The following MPHOSPH9 variants were observed in gnomAD, a reference collection of about 807,000 sequenced individuals.
MPHOSPH9 encodes the protein M-phase phosphoprotein 9.
MPHOSPH9 carries 88 observed loss-of-function variants against 145.5 expected under a neutral mutation model. The ratio of observed to expected loss-of-function variants is 0.60; its 90% CI spans 0.51 to 0.72. MPHOSPH9 has a LOEUF of 0.72. Ranked by LOEUF, MPHOSPH9 falls within the 30% of genes least tolerant of loss-of-function variation. The pLI, the probability that MPHOSPH9 is intolerant of heterozygous loss-of-function variation, is 0.00. For synonymous variants in MPHOSPH9, 435 were observed against 486.2 expected (o/e 0.89, Z 1.39); for missense variants, 1,238 against 1,386.6 (o/e 0.89, Z 1.70).
rs547754604 is a variant in MPHOSPH9, at chr12:123,175,444, C to T, written c.2456+1244G>A. Reference sequence around the variant, plus strand: ...CTGGGATTACAGGCGTGAGCCACGGCGCCCAGCCAAGATCCAACTCTTGAT... The same window carrying T: ...CTGGGATTACAGGCGTGAGCCACGGTGCCCAGCCAAGATCCAACTCTTGAT... On this transcript the variant is annotated intron_variant, in intron 16 of 23. Coordinates refer to ENST00000606320, the MANE Select transcript of MPHOSPH9 (RefSeq NM_022782.4). Among the ~76,000 whole-genome samples the T allele has an allele frequency of 2.0e-5, 3 of 152,264 alleles. No homozygotes were observed. In the East Asian group the frequency reaches 5.8e-4, roughly 29 times the overall value.
At chr12:123,239,483 A>C (rs1038595432) in intron 1 of MPHOSPH9, among the ~76,000 whole-genome samples, 1 of 151,846 alleles carries the variant, frequency 6.6e-6, no homozygotes, top group African/African-American at 2.4e-5. Flanking sequence ...GCTCACCGCA[A>C]TCTCCACCTC....
downstream of MPHOSPH9, chr12:123,154,203 A>T (rs1167834492): frequency 6.9e-6 from 1 of 144,500 alleles, no homozygotes; most frequent in African/African-American, 2.8e-5. Context: ...GAGGTGGCAG[A>T]TTTGCTTAGG....
chr12:123,155,884 C>T lies in MPHOSPH9; in HGVS notation c.*923G>A, dbSNP rs964074712. The T allele has an allele frequency of 2.0e-5, 3 of 152,240 alleles. No homozygotes were observed. Among genetic ancestry groups the T allele is most frequent in the Non-Finnish European group, 4.4e-5 (3 of 68,082 alleles). 9.4% of individuals were successfully genotyped at this position (152,240 alleles called of 1,614,324 possible). ...TCTAAAGTCTAGTGTTCTTACAGCACCTACAGTGGAAATATTTTCCTTTTG... is the reference window on the plus strand; with the variant it reads ...TCTAAAGTCTAGTGTTCTTACAGCATCTACAGTGGAAATATTTTCCTTTTG... On this transcript the variant is annotated 3_prime_UTR_variant, in exon 24 of 24. Coordinates refer to ENST00000606320, the MANE Select transcript of MPHOSPH9 (RefSeq NM_022782.4).
chr12:123,198,845 AT>A (rs1464934765), intron 11 of MPHOSPH9, among the ~76,000 whole-genome samples: 26 of 149,618 alleles, frequency 1.7e-4, no homozygotes, highest in South Asian at 2.1e-4. Flanking sequence ...GCCTAAAATA[AT>A]TTTTTTAAAA....
chr12:123,232,799 T>A (rs972586577), intron 1 of MPHOSPH9: 1 of 151,622 alleles, frequency 6.6e-6, no homozygotes, highest in Non-Finnish European at 1.5e-5. Flanking sequence ...GGGGAAAAAT[T>A]AAAAAAACCC....
At chr12:123,173,793 T>C (rs935162292) in intron 16 of MPHOSPH9, among the ~76,000 whole-genome samples, 8 of 152,222 alleles carry the variant, frequency 5.3e-5, no homozygotes, top group African/African-American at 1.9e-4. Context: ...CAACTGGTTG[T>C]TTATTTGTAT....
intron 19 of MPHOSPH9, 37 bp downstream of exon 19, chr12:123,163,913 C>T: frequency 1.2e-6 from 2 of 1,611,326 alleles, no homozygotes; most frequent in Non-Finnish European, 1.7e-6. Flanking sequence ...AGAGATCACG[C>T]TTTTGAACCC....
rs142398365 is a variant in MPHOSPH9, at chr12:123,155,214, TAAATA to T, written c.*1588_*1592del. On this transcript the variant is annotated 3_prime_UTR_variant, in exon 24 of 24. Transcript: ENST00000606320. ...GCAAAACTCCATCTAAAAAAATAAA[TAAATA>T]AAATAAAATAAAAATAAAAAACAAG... 0.65 allele frequency: 97,655 copies of T among 150,992 alleles called. 36,305 individuals carry two copies. The highest frequency in any genetic ancestry group is 0.97 in the East Asian group (4,974 of 5,120). The allele number at this position is 150,992 out of a possible 1,614,324, so 9.4% of individuals were successfully genotyped here.
rs1017233165 is a variant in MPHOSPH9, at chr12:123,203,495, T to A, written c.1195-120A>T. 4 of 895,150 alleles carry A rather than the reference T, an allele frequency of 4.5e-6. No individual in the cohort carries two copies. In the African/African-American group the frequency reaches 6.8e-5, roughly 15 times the overall value. The allele number at this position is 895,150 out of a possible 1,614,324, so 55.5% of individuals were successfully genotyped here. A position where few individuals can be genotyped will look rare whatever the true frequency, so the allele number is the denominator to read the frequency against. On this transcript the variant is annotated intron_variant, in intron 8 of 23. Transcript: ENST00000606320. ...TTAAGCAAATTGAAAATGTAGACTG[T>A]CAGATTTGTAATACAAGCTTGGAAG...
chr12:123,161,663 C>CAA (rs201067689), intron 21 of MPHOSPH9, among the ~76,000 whole-genome samples: 14 of 66,952 alleles, frequency 2.1e-4, no homozygotes, highest in Admixed American at 5.4e-4. Context: ...AAACTTAAAG[C>CAA]AAAAAAAAAA....
chr12:123,224,747 T>C (rs2047368371), intron 3 of MPHOSPH9, among the ~76,000 whole-genome samples: 1 of 152,190 alleles, frequency 6.6e-6, no homozygotes, highest in South Asian at 2.1e-4. Context: ...TATAAAACAA[T>C]AAATATTTCG....
intron 18 of MPHOSPH9, 119 bp downstream of exon 18, chr12:123,165,183 G>T: frequency 3.3e-6 from 3 of 916,736 alleles, no homozygotes; most frequent in Non-Finnish European, 4.9e-6. Flanking sequence ...CAGTAAAATA[G>T]CAAGTTTACA....
chr12:123,230,655 A>T (rs2047603451), intron 1 of MPHOSPH9, 133 bp from the exon 2 acceptor site: 1 of 230,576 alleles, frequency 4.3e-6, no homozygotes, highest in Non-Finnish European at 8.4e-6. Context: ...ATTCATAATA[A>T]TCAAAATGTA....
rs1372140019 is a variant in MPHOSPH9 at position 123,233,124 on chromosome 12, G to C, written c.-208C>G. On this transcript the variant is annotated 5_prime_UTR_variant, in exon 1 of 24. Transcript: ENST00000606320. ...GTCAGGGTCATGCAAGCGGCCTCTC[G>C]CGACCGTTACCCGAGGGAGCGCGCG... 1 of 142,350 alleles carries C rather than the reference G, an allele frequency of 7.0e-6. No homozygotes were observed. Among genetic ancestry groups the C allele is most frequent in the Non-Finnish European group, 1.6e-5 (1 of 63,522 alleles). 8.8% of individuals were successfully genotyped at this position (142,350 alleles called of 1,614,324 possible). A position where few individuals can be genotyped will look rare whatever the true frequency, so the allele number is the denominator to read the frequency against.
intron 7 of MPHOSPH9, among the ~76,000 whole-genome samples, chr12:123,214,242 A>G (rs1392231381): frequency 2.0e-5 from 3 of 152,126 alleles, no homozygotes; most frequent in Non-Finnish European, 2.9e-5. Flanking sequence ...ATAAATTAAG[A>G]TAAGAAAGAA....
At chr12:123,216,212 G>A (rs543720359) in intron 6 of MPHOSPH9, among the ~76,000 whole-genome samples, 166 of 152,234 alleles carry the variant, frequency 1.1e-3, no homozygotes, top group African/African-American at 3.7e-3. Context: ...GACCACAGAC[G>A]CTTTTGTGGT....
At chr12:123,227,704 C>G in intron 2 of MPHOSPH9, 88 bp from the exon 3 acceptor site, 2 of 1,118,798 alleles carry the variant, frequency 1.8e-6, no homozygotes, top group Non-Finnish European at 2.4e-6. Context: ...CAGAGCAGTA[C>G]AAAACCACTG....
At chr12:123,229,173 A>C (rs948877509) in intron 2 of MPHOSPH9, among the ~76,000 whole-genome samples, 1 of 152,180 alleles carries the variant, frequency 6.6e-6, no homozygotes, top group Non-Finnish European at 1.5e-5. Flanking sequence ...ACCGTGTTTA[A>C]AGCTCCTTGC....
chr12:123,230,377 T>C lies in MPHOSPH9; in HGVS notation c.-13A>G. The C allele has an allele frequency of 6.9e-7, 1 of 1,452,278 alleles. No homozygotes were observed. Among genetic ancestry groups the C allele is most frequent in the Non-Finnish European group, 9.3e-7 (1 of 1,080,828 alleles). 90.0% of individuals were successfully genotyped at this position (1,452,278 alleles called of 1,614,324 possible). On this transcript the variant is annotated 5_prime_UTR_variant, in exon 2 of 24. Transcript: ENST00000606320. ...CAAACTCTTCCATAGTGTACAGAAA[T>C]TGTTATATTCTCTTATTGGAAAATA...
Sources: allele counts gnomAD v4.1 joint callset (sites outside exome capture counted in the v4.1 genomes callset), GRCh38; gene constraint gnomAD v4.1.1; transcripts MANE v1.5; gene names NCBI Gene and HGNC (gene_info 2026-07-23, HGNC 2026-07-21).